Variants in CCSER1 observed in about 807,000 individuals in gnomAD.
The protein encoded by CCSER1 is coiled-coil serine rich protein 1.
CCSER1 carries 41 observed loss-of-function variants against 82.0 expected under a neutral mutation model. The observed-to-expected ratio is 0.50, with a 90% CI of 0.39 to 0.65. The LOEUF (loss-of-function observed/expected upper bound fraction) is 0.65. Ranked by LOEUF, CCSER1 falls within the 30% of genes least tolerant of loss-of-function variation. The pLI is 0.00. For missense variants in CCSER1, 1,119 were observed against 1,064.2 expected, an observed-to-expected ratio of 1.05 and a Z score of -0.72; for synonymous variants, 414 against 383.9, an observed-to-expected ratio of 1.08 and a Z score of -0.92.
At chr4:90,862,907 C>CT (rs548953621) in intron 8 of CCSER1, among the ~76,000 whole-genome samples, 39,756 of 121,956 alleles carry the variant, frequency 0.33, 6,923 homozygotes, top group Non-Finnish European at 0.42. Context: ...TATTTTTTGT[C>CT]TTTTTTTTTT....
chr4:90,968,112 G>A (rs919255613), intron 9 of CCSER1, among the ~76,000 whole-genome samples: 6 of 151,966 alleles, frequency 3.9e-5, no homozygotes, highest in East Asian at 1.9e-4. Context: ...AACAGTAGGT[G>A]TAAGTATCCT....
intron 1 of CCSER1, among the ~76,000 whole-genome samples, chr4:90,144,525 C>T (rs952287204): frequency 6.6e-6 from 1 of 152,090 alleles, no homozygotes; most frequent in Admixed American, 6.6e-5. Flanking sequence ...TTACTCAATG[C>T]ACACAGTAAA....
At chr4:91,324,149 C>A (rs1746385552) in intron 10 of CCSER1, among the ~76,000 whole-genome samples, 1 of 152,088 alleles carries the variant, frequency 6.6e-6, no homozygotes, top group Non-Finnish European at 1.5e-5. Context: ...ACATGCCTAA[C>A]ATAATTCTGT....
intron 10 of CCSER1, among the ~76,000 whole-genome samples, chr4:91,370,418 C>G (rs192899335): frequency 6.0e-4 from 91 of 152,094 alleles, no homozygotes; most frequent in African/African-American, 2.2e-3. Flanking sequence ...AATGTTTTGC[C>G]GGGCATGGTG....
intron 5 of CCSER1, among the ~76,000 whole-genome samples, chr4:90,495,022 T>G (rs1443836892): frequency 1.3e-5 from 2 of 152,156 alleles, no homozygotes; most frequent in South Asian, 4.1e-4. Context: ...TCTTATAATT[T>G]CTAGTTCCTA....
In CCSER1 at chr4:91,061,960, A is replaced by G. The variant is rs139507598; in HGVS notation, c.2173-23990A>G. 6.8e-3 allele frequency among the ~76,000 whole-genome samples: 1,038 copies of G among 152,178 alleles called. 8 individuals carry two copies. The highest frequency in any genetic ancestry group is 0.012 in the Non-Finnish European group (812 of 67,986). ...GGTAACTCCAATTCTTTCTGAGGAC[A>G]GAATTTACTATGGGAAATATTTAAG... On this transcript the variant is annotated intron_variant, in intron 9 of 10. Transcript: ENST00000509176.
At chr4:91,142,547 G>A (rs1298412521) in intron 10 of CCSER1, among the ~76,000 whole-genome samples, 1 of 152,136 alleles carries the variant, frequency 6.6e-6, no homozygotes, top group Admixed American at 6.6e-5. Flanking sequence ...CAAGGCTGAT[G>A]TCCAACATGG....
chr4:90,206,189 C>T (rs1291052616), intron 1 of CCSER1, among the ~76,000 whole-genome samples: 1 of 151,982 alleles, frequency 6.6e-6, no homozygotes, highest in African/African-American at 2.4e-5. Context: ...TTTTGTGTCT[C>T]CATCTCCTTC....
rs572542480 is a variant in CCSER1, at chr4:90,608,436, G to T, written c.1725-19589G>T. Among the ~76,000 whole-genome samples the T allele has an allele frequency of 7.9e-5, 12 of 152,190 alleles. No individual in the cohort carries two copies. The South Asian group carries it at 2.3e-3, about 29-fold the overall frequency. On this transcript the variant is annotated intron_variant, in intron 5 of 10. Coordinates refer to ENST00000509176, the MANE Select transcript of CCSER1 (RefSeq NM_001145065.2). ...GGGTCAGAATAAGTTATTTCTAAAA[G>T]ATTATTAACTCAAAGACAACCAATT...
intron 9 of CCSER1, among the ~76,000 whole-genome samples, chr4:90,989,669 A>G (rs917441254): frequency 2.6e-5 from 4 of 151,846 alleles, no homozygotes; most frequent in African/African-American, 4.8e-5. Context: ...TGTCAGATGC[A>G]TAAGACTAAA....
At chr4:91,130,266 A>C (rs1727884169) in intron 10 of CCSER1, among the ~76,000 whole-genome samples, 1 of 149,758 alleles carries the variant, frequency 6.7e-6, no homozygotes, top group Non-Finnish European at 1.5e-5. Flanking sequence ...TAAAAACATT[A>C]ATTAATGTTT....
At chr4:90,499,919 T>C (rs1199006782) in intron 5 of CCSER1, among the ~76,000 whole-genome samples, 1 of 152,132 alleles carries the variant, frequency 6.6e-6, no homozygotes, top group African/African-American at 2.4e-5. Flanking sequence ...AACACAAACA[T>C]GGAGGGACCA....
At chr4:90,230,871 G>C (rs1458905593) in intron 1 of CCSER1, among the ~76,000 whole-genome samples, 1 of 152,140 alleles carries the variant, frequency 6.6e-6, no homozygotes, top group Non-Finnish European at 1.5e-5. Context: ...AGAAAATCTA[G>C]AAGAAATGGA....
At chr4:90,846,502 A>G (rs1437851803) in intron 8 of CCSER1, among the ~76,000 whole-genome samples, 1 of 152,198 alleles carries the variant, frequency 6.6e-6, no homozygotes, top group African/African-American at 2.4e-5. Context: ...CATGCAGATA[A>G]TGTTTAATGA....
chr4:90,461,862 C>T (rs1762971593), intron 4 of CCSER1, among the ~76,000 whole-genome samples: 1 of 152,160 alleles, frequency 6.6e-6, no homozygotes, highest in African/African-American at 2.4e-5. Flanking sequence ...GTACAATCTC[C>T]TACTACACTT....
At chr4:90,284,552 G>T (rs1284091693) in intron 1 of CCSER1, among the ~76,000 whole-genome samples, 10 of 150,500 alleles carry the variant, frequency 6.6e-5, no homozygotes, top group Non-Finnish European at 1.0e-4. Context: ...GGAGTACAGT[G>T]GTGCAATCAT....
chr4:90,746,224 T>C (rs1256494748), intron 7 of CCSER1, among the ~76,000 whole-genome samples: 1 of 152,236 alleles, frequency 6.6e-6, no homozygotes, highest in Admixed American at 6.5e-5. Context: ...ATATTTTATA[T>C]TCTTTATATT....
intron 6 of CCSER1, among the ~76,000 whole-genome samples, chr4:90,643,329 G>T (rs569192545): frequency 6.6e-6 from 1 of 152,294 alleles, no homozygotes; most frequent in Admixed American, 6.5e-5. Flanking sequence ...ACAGGCAGCT[G>T]TCCAGATTCA....
At chr4:90,468,508 G>A (rs1303472195) in intron 5 of CCSER1, 154 bp downstream of exon 5, 3 of 598,746 alleles carry the variant, frequency 5.0e-6, no homozygotes, top group Non-Finnish European at 8.0e-6. Flanking sequence ...TTATCTTAAT[G>A]AATTAACTTC....
Sources: gnomAD v4.1 joint callset for allele counts (sites outside exome capture counted in the v4.1 genomes callset) on GRCh38, gnomAD v4.1.1 for gene constraint, MANE v1.5 for transcripts, NCBI Gene and HGNC (gene_info 2026-07-23, HGNC 2026-07-21) for gene names.